WT1: variants seen among roughly 807,000 people sequenced by gnomAD.
WT1 encodes Wilms tumor protein.
In WT1, 8 loss-of-function variants were observed where a neutral mutation model predicts 60.8. That is an observed-to-expected ratio of 0.13 (90% CI 0.08 to 0.24). The LOEUF is 0.24. Among genes scored for constraint, WT1 ranks in the 10% least tolerant of loss-of-function variants. The pLI is 1.00. For synonymous variants in WT1, 312 were observed against 297.1 expected (o/e 1.05, Z -0.52); for missense variants, 568 against 711.8 (o/e 0.80, Z 2.30).
chr11:32,398,011 T>C (rs533894381), intron 6 of WT1, among the ~76,000 whole-genome samples: 14 of 152,142 alleles, frequency 9.2e-5, no homozygotes, highest in Non-Finnish European at 1.9e-4. Flanking sequence ...GCAGTGCACA[T>C]GGGAACAGGA....
chr11:32,414,505 G>A (rs751189054), intron 5 of WT1, among the ~76,000 whole-genome samples: 41 of 152,164 alleles, frequency 2.7e-4, no homozygotes, highest in Non-Finnish European at 4.1e-4. Context: ...AAACTCCTGA[G>A]CTCAAGTGAT....
At chr11:32,434,650 T>G (rs1565000837) in intron 1 of WT1, 50 bp downstream of exon 1, 2 of 1,610,618 alleles carry the variant, frequency 1.2e-6, no homozygotes, top group African/African-American at 2.7e-5. Flanking sequence ...GAGCGGAGAG[T>G]CCCTGGCGCC....
chr11:32,429,464 C>T lies in WT1; in HGVS notation c.662-845G>A, dbSNP rs1351947606. On this transcript the variant is annotated intron_variant, in intron 1 of 9. Coordinates refer to ENST00000452863, the MANE Select transcript of WT1 (RefSeq NM_024426.6). ...TCCCCCTAGGGAAATCCTAGCATTC[C>T]CCCCCCCCCCCAAAGTGAGAAAAAG... Among the ~76,000 whole-genome samples, 9 of 26,800 alleles carry T rather than the reference C, an allele frequency of 3.4e-4. No individual in the cohort carries two copies. In the East Asian group the frequency reaches 0.038, roughly 114 times the overall value. The allele number at this position is 26,800 out of a possible 152,430, so 17.6% of individuals were successfully genotyped here. A position where few individuals can be genotyped will look rare whatever the true frequency, so the allele number is the denominator to read the frequency against.
At position 32,428,615 on chromosome 11, in the gene WT1, G is replaced by A. The variant is rs1590396134; in HGVS notation, c.666C>T (p.Tyr222=). 3.7e-6 allele frequency: 6 copies of A among 1,613,230 alleles called. No homozygotes were observed. The highest frequency in any genetic ancestry group is 5.1e-6 in the Non-Finnish European group (6 of 1,179,984). Residue 222 remains tyrosine, a synonymous_variant, in exon 2 of 10, where the codon TAC becomes TAT. Coordinates refer to ENST00000452863, the MANE Select transcript of WT1 (RefSeq NM_024426.6). ...GCGTCCCGTCGAAGGTGACCGTGCT[G>A]TAACCTGCGGGAGCGGCGGAGAGAA...
rs561387202 is a variant in WT1, at chr11:32,406,319, A to T, written c.1017-6275T>A. 1.1e-4 allele frequency among the ~76,000 whole-genome samples: 17 copies of T among 152,228 alleles called. No individual in the cohort carries two copies. The East Asian group carries it at 3.3e-3, about 29-fold the overall frequency. Reference sequence around the variant, plus strand: ...TTCTTATAAGGAGAGTGCAACCTAGATCCCTCACATGTGTAGTTCACAATA... The same window carrying T: ...TTCTTATAAGGAGAGTGCAACCTAGTTCCCTCACATGTGTAGTTCACAATA... On this transcript the variant is annotated intron_variant, in intron 5 of 9. Transcript: ENST00000452863.
rs1336648196 is a variant in WT1, at chr11:32,417,305, C to T, written c.965+272G>A. 9 of 464,352 alleles carry T rather than the reference C, an allele frequency of 1.9e-5. No homozygotes were observed. The East Asian group carries it at 3.4e-4, about 18-fold the overall frequency. The allele number at this position is 464,352 out of a possible 1,614,324, so 28.8% of individuals were successfully genotyped here. A position where few individuals can be genotyped will look rare whatever the true frequency, so the allele number is the denominator to read the frequency against. On this transcript the variant is annotated intron_variant, in intron 4 of 9. Coordinates refer to ENST00000452863, the MANE Select transcript of WT1 (RefSeq NM_024426.6). The stretch of plus-strand genomic sequence containing the variant: ...ACAATTATTAAATGAGGTTGAATAG[C>T]CTTTGAAGAATTATAAAACATTCAA...
At chr11:32,405,882 T>G (rs11031767) in intron 5 of WT1, among the ~76,000 whole-genome samples, 51,552 of 152,140 alleles carry the variant, frequency 0.34, 9,277 homozygotes, top group East Asian at 0.68. Flanking sequence ...GGTCAGTGCT[T>G]TTCTTCCTTC....
intron 3 of WT1, among the ~76,000 whole-genome samples, chr11:32,418,051 A>G (rs1852734720): frequency 2.0e-5 from 3 of 152,082 alleles, no homozygotes; most frequent in Admixed American, 2.0e-4. Context: ...TTATTCGTGA[A>G]AAGGCCATTA....
intron 1 of WT1, chr11:32,430,415 A>T: frequency 7.3e-7 from 1 of 1,378,742 alleles, no homozygotes. Flanking sequence ...AGAGAGAGAG[A>T]GAAAGAGAGA....
At chr11:32,413,392 C>A (rs1205102559) in intron 5 of WT1, among the ~76,000 whole-genome samples, 2 of 152,180 alleles carry the variant, frequency 1.3e-5, no homozygotes, top group Non-Finnish European at 2.9e-5. Flanking sequence ...CATATTAATA[C>A]TTTTCATACC....
At chr11:32,417,702 ACACAAC>A (rs1349073134) in intron 3 of WT1, 48 bp from the exon 4 acceptor site, 1 of 1,484,516 alleles carries the variant, frequency 6.7e-7, no homozygotes, top group African/African-American at 1.4e-5. Flanking sequence ...ACAAAATAAT[ACACAAC>A]TGTTTCTTCA....
At chr11:32,403,408 C>G (rs923438574) in intron 5 of WT1, among the ~76,000 whole-genome samples, 2 of 152,064 alleles carry the variant, frequency 1.3e-5, no homozygotes, top group Non-Finnish European at 2.9e-5. Flanking sequence ...CTACACCAAC[C>G]CCCATTTGGA....
chr11:32,430,748 C>CGGCG, intron 1 of WT1: 1 of 1,339,100 alleles, frequency 7.5e-7, no homozygotes. Context: ...ACGCAGACCT[C>CGGCG]GGCGGGCAAA....
chr11:32,424,626 C>T (rs1011610181), intron 3 of WT1, among the ~76,000 whole-genome samples: 8 of 152,126 alleles, frequency 5.3e-5, no homozygotes, highest in Admixed American at 5.2e-4. Context: ...TAGAGAAAAC[C>T]ACCTCCTGTC....
intron 5 of WT1, among the ~76,000 whole-genome samples, chr11:32,415,804 T>G (rs929084118): frequency 3.3e-5 from 5 of 152,016 alleles, no homozygotes; most frequent in Non-Finnish European, 7.4e-5. Flanking sequence ...CTGAAAAATT[T>G]GGGGGCGGGG....
intron 9 of WT1, among the ~76,000 whole-genome samples, chr11:32,389,550 T>A (rs907061482): frequency 6.6e-6 from 1 of 152,190 alleles, no homozygotes; most frequent in Non-Finnish European, 1.5e-5. Context: ...GTTGAGTAAG[T>A]TGGGAACTGA....
At chr11:32,415,321 G>A (rs1194510742) in intron 5 of WT1, among the ~76,000 whole-genome samples, 2 of 152,066 alleles carry the variant, frequency 1.3e-5, no homozygotes, top group Non-Finnish European at 2.9e-5. Context: ...GAAAGGGTGG[G>A]ACCAAGAAGC....
At chr11:32,411,787 A>G (rs1408659762) in intron 5 of WT1, among the ~76,000 whole-genome samples, 1 of 152,194 alleles carries the variant, frequency 6.6e-6, no homozygotes, top group Non-Finnish European at 1.5e-5. Context: ...CTAAGTCACG[A>G]GTCTCCATCT....
chr11:32,410,625 A>G (rs1396614555), intron 5 of WT1, among the ~76,000 whole-genome samples: 2 of 152,162 alleles, frequency 1.3e-5, no homozygotes, highest in Admixed American at 6.6e-5. Context: ...TTTCCTCTTT[A>G]TAATGTTTTG....
Sources: allele counts gnomAD v4.1 joint callset (sites outside exome capture counted in the v4.1 genomes callset), GRCh38; gene constraint gnomAD v4.1.1; transcripts MANE v1.5; gene names NCBI Gene and HGNC (gene_info 2026-07-23, HGNC 2026-07-21).